Variants in NRG1 observed in about 807,000 individuals in gnomAD.
NRG1 encodes neuregulin 1, also known as pro-neuregulin-1, membrane-bound isoform.
In NRG1, 18 loss-of-function variants were observed where a neutral mutation model predicts 63.8. That is an observed-to-expected ratio of 0.28 (90% confidence interval 0.19 to 0.42). The LOEUF (loss-of-function observed/expected upper bound fraction) is 0.42, where lower values mean the gene tolerates loss of function less well. NRG1 is among the 10% of genes least tolerant of loss of function. The pLI, the probability that NRG1 is intolerant of heterozygous loss-of-function variation, is 1.00. For missense variants in NRG1, 762 were observed against 814.7 expected (o/e 0.94, Z 0.79); for synonymous variants, 302 against 301.3 (o/e 1.00, Z -0.02).
chr8:32,299,390 C>T (rs1227038770), intron 1 of NRG1, among the ~76,000 whole-genome samples: 3 of 152,152 alleles, frequency 2.0e-5, no homozygotes, highest in Non-Finnish European at 4.4e-5. Flanking sequence ...GATTTTATAT[C>T]TGTTTGCATG....
intron 1 of NRG1, among the ~76,000 whole-genome samples, chr8:31,733,322 T>C (rs1340252512): frequency 6.6e-6 from 1 of 152,172 alleles, no homozygotes; most frequent in Non-Finnish European, 1.5e-5. Flanking sequence ...TCTCTTCCTT[T>C]GGGAAAACAC....
chr8:31,690,520 C>T (rs181795923), intron 1 of NRG1, among the ~76,000 whole-genome samples: 225 of 152,230 alleles, frequency 1.5e-3, no homozygotes, highest in Admixed American at 2.7e-3. Flanking sequence ...CGTGTGCAGA[C>T]GCCTTGGGCC....
chr8:32,337,653 C>CAAAAAAAGAAAAAAAAAAAAA (rs1803457401), intron 1 of NRG1, among the ~76,000 whole-genome samples: 1 of 24,704 alleles, frequency 4.0e-5, no homozygotes, highest in Non-Finnish European at 7.4e-5. Flanking sequence ...AGAGTTATTG[C>CAAAAAAAGAAAAAAAAAAAAA]AAAAAAAAAA....
chr8:32,548,059 C>A (rs932208905), upstream of NRG1, among the ~76,000 whole-genome samples: 3 of 152,100 alleles, frequency 2.0e-5, no homozygotes, highest in Non-Finnish European at 2.9e-5. Context: ...CCAGCGACCC[C>A]TGTCGGGGGT....
At chr8:32,426,431 T>G (rs1356969868) in intron 1 of NRG1, among the ~76,000 whole-genome samples, 1 of 152,230 alleles carries the variant, frequency 6.6e-6, no homozygotes, top group Non-Finnish European at 1.5e-5. Flanking sequence ...CGCAAAATAT[T>G]GTGTAATTCA....
intron 1 of NRG1, among the ~76,000 whole-genome samples, chr8:32,250,587 G>T (rs1339306659): frequency 6.6e-6 from 1 of 151,998 alleles, no homozygotes; most frequent in African/African-American, 2.4e-5. Flanking sequence ...CATTAAAATG[G>T]ATTTCCACGA....
chr8:31,792,086 G>A (rs772116379), intron 1 of NRG1, among the ~76,000 whole-genome samples: 4 of 152,202 alleles, frequency 2.6e-5, no homozygotes, highest in African/African-American at 4.8e-5. Flanking sequence ...AACTGACCTG[G>A]AACTAGTTAC....
At chr8:31,654,484 C>T (rs910989137) in intron 1 of NRG1, among the ~76,000 whole-genome samples, 8 of 152,232 alleles carry the variant, frequency 5.3e-5, no homozygotes, top group South Asian at 4.1e-4. Flanking sequence ...AATCATGATA[C>T]GTGTAATGTG....
chr8:31,690,461 G>C (rs1157507982), intron 1 of NRG1, among the ~76,000 whole-genome samples: 1 of 152,210 alleles, frequency 6.6e-6, no homozygotes, highest in African/African-American at 2.4e-5. Flanking sequence ...TTACTCTAAA[G>C]TCCTTAAGGC....
At chr8:31,797,466 C>T (rs1263033640) in intron 1 of NRG1, among the ~76,000 whole-genome samples, 1 of 152,092 alleles carries the variant, frequency 6.6e-6, no homozygotes, top group African/African-American at 2.4e-5. Flanking sequence ...CTAAATGTTT[C>T]CTGGTGAGAA....
At chr8:32,548,186 T>G (rs1588211316), upstream of NRG1, 18 of 947,542 alleles carry the variant, frequency 1.9e-5, no homozygotes, top group African/African-American at 3.7e-5. Context: ...GGGGTGGGGG[T>G]GTGGTGGGGA....
intron 1 of NRG1, among the ~76,000 whole-genome samples, chr8:31,939,132 A>G (rs1017918116): frequency 2.0e-5 from 3 of 152,188 alleles, no homozygotes; most frequent in African/African-American, 7.2e-5. Flanking sequence ...TAAAGTCAAG[A>G]TGAAGGAAAG....
In NRG1 at chr8:32,591,657, T is replaced by C. The variant is rs564070512; in HGVS notation, c.101-4171T>C. On this transcript the variant is annotated intron_variant, in intron 1 of 11. Transcript: ENST00000356819. ...AGAATTTAAATGATTTAAATGAATG[T>C]AATGTTATTATTAATTAAATTTAAC... is the stretch of plus-strand genomic sequence containing the variant. Among the ~76,000 whole-genome samples, 5 of 152,326 alleles carry C rather than the reference T, an allele frequency of 3.3e-5. No homozygotes were observed. The South Asian group carries it at 1.0e-3, about 32-fold the overall frequency.
At chr8:32,239,545 C>A (rs948627490) in intron 1 of NRG1, among the ~76,000 whole-genome samples, 7 of 152,002 alleles carry the variant, frequency 4.6e-5, no homozygotes, top group Middle Eastern at 3.4e-3. Context: ...TTTTAAAATT[C>A]ATTTTAATCA....
intron 2 of NRG1, among the ~76,000 whole-genome samples, chr8:32,598,689 T>C (rs1318210066): frequency 1.3e-5 from 2 of 152,130 alleles, no homozygotes. Context: ...ACATATTTGA[T>C]CTAAAAATAA....
chr8:32,070,952 G>A lies in NRG1; in HGVS notation c.37+431521G>A, dbSNP rs1273451882. On this transcript the variant is annotated intron_variant, in intron 1 of 10. Transcript: ENST00000519301. ...CCTCCCACCTCACCTCAGCTTCACC[G>A]TGTTCTCAGTTTCCAGCACGCACCA... Among the ~76,000 whole-genome samples, 6 of 152,074 alleles carry A rather than the reference G, an allele frequency of 3.9e-5. No individual in the cohort carries two copies. The South Asian group carries it at 8.3e-4, about 21-fold the overall frequency.
intron 1 of NRG1, among the ~76,000 whole-genome samples, chr8:31,660,924 A>G (rs1233292496): frequency 6.6e-6 from 1 of 152,188 alleles, no homozygotes; most frequent in Non-Finnish European, 1.5e-5. Context: ...TTTTATTGCT[A>G]ACATTTAATA....
intron 1 of NRG1, among the ~76,000 whole-genome samples, chr8:31,813,522 T>TTTCTTTTC (rs1563433481): frequency 7.2e-6 from 1 of 139,712 alleles, no homozygotes; most frequent in Non-Finnish European, 1.5e-5. Context: ...TTTTCTTTTT[T>TTTCTTTTC]TTTTTTTTTT....
chr8:32,060,667 C>T (rs1230959595), intron 1 of NRG1, among the ~76,000 whole-genome samples: 1 of 151,950 alleles, frequency 6.6e-6, no homozygotes. Flanking sequence ...AGGAGAACAA[C>T]ATATGTAGCT....
Sources: allele counts gnomAD v4.1 joint callset (sites outside exome capture counted in the v4.1 genomes callset), GRCh38; gene constraint gnomAD v4.1.1; transcripts MANE v1.5; gene names NCBI Gene and HGNC (gene_info 2026-07-23, HGNC 2026-07-21).